CNN3: variants seen among roughly 807,000 people sequenced by gnomAD.
CNN3 encodes calponin 3.
CNN3 carries 11 observed loss-of-function variants against 39.0 expected under a neutral mutation model. The ratio of observed to expected loss-of-function variants is 0.28; its 90% CI spans 0.18 to 0.47. CNN3 has a LOEUF of 0.47. Ranked by LOEUF, CNN3 falls within the 20% of genes least tolerant of loss-of-function variation. The pLI, the probability that CNN3 is intolerant of heterozygous loss-of-function variation, is 0.99. For synonymous variants in CNN3, 101 were observed against 138.3 expected, an observed-to-expected ratio of 0.73 and a Z score of 1.89; for missense variants, 266 against 403.4, an observed-to-expected ratio of 0.66 and a Z score of 2.92.
intron 1 of CNN3, among the ~76,000 whole-genome samples, chr1:94,914,632 T>C (rs1358046133): frequency 6.6e-6 from 1 of 152,184 alleles, no homozygotes; most frequent in East Asian, 1.9e-4. Flanking sequence ...CTGGAACTCC[T>C]CTTGGAGTCT....
rs555549740 is a variant in CNN3 at position 94,914,490 on chromosome 1, T to C, written c.58-10966A>G. Among the ~76,000 whole-genome samples, 5 of 152,206 alleles carry C rather than the reference T, an allele frequency of 3.3e-5. No individual in the cohort carries two copies. In the South Asian group the frequency reaches 6.2e-4, roughly 19 times the overall value. On this transcript the variant is annotated intron_variant, in intron 1 of 6. Coordinates refer to ENST00000370206, the MANE Select transcript of CNN3 (RefSeq NM_001839.5). ...TCACTGACCACCCGCATCCCCATGC[T>C]CCCATCTGCCAACCCCAAAACTGAG...
At position 94,897,343 on chromosome 1, in the gene CNN3, C is replaced by G. The variant is rs188421793; in HGVS notation, c.*399G>C. On this transcript the variant is annotated 3_prime_UTR_variant, in exon 7 of 7. Transcript: ENST00000370206. Reference sequence around the variant, plus strand: ...TAGCAATAAGCATGAGTTTAGTCTTCCATGTAGAAACCAGATACACTAAAC... The same window carrying G: ...TAGCAATAAGCATGAGTTTAGTCTTGCATGTAGAAACCAGATACACTAAAC... 1.3e-4 allele frequency: 19 copies of G among 151,562 alleles called. No homozygotes were observed. In the East Asian group the frequency reaches 2.7e-3, roughly 22 times the overall value. The allele number at this position is 151,562 out of a possible 1,614,324, so 9.4% of individuals were successfully genotyped here.
chr1:94,924,043 T>C (rs947120337), intron 1 of CNN3: 1 of 152,272 alleles, frequency 6.6e-6, no homozygotes, highest in Non-Finnish European at 1.5e-5. Context: ...TATACTTCTT[T>C]GTTAAATGAG....
chr1:94,912,441 T>C (rs899411289), intron 1 of CNN3, among the ~76,000 whole-genome samples: 1 of 152,160 alleles, frequency 6.6e-6, no homozygotes, highest in Non-Finnish European at 1.5e-5. Context: ...AAGGATCTAT[T>C]ACTGGCTGAA....
rs1670749360 is a variant in CNN3, at chr1:94,897,368, CTG to C, written c.*372_*373del. 3.1e-5 allele frequency: 2 copies of C among 65,200 alleles called. No individual in the cohort carries two copies. The highest frequency in any genetic ancestry group is 5.1e-4 in the South Asian group (1 of 1,980). 4.0% of individuals were successfully genotyped at this position (65,200 alleles called of 1,614,324 possible). On this transcript the variant is annotated 3_prime_UTR_variant, in exon 7 of 7. Coordinates refer to ENST00000370206, the MANE Select transcript of CNN3 (RefSeq NM_001839.5). ...CCATGTAGAAACCAGATACACTAAA[CTG>C]TAAAAAAAAAAAAAAAAAAAAAAAG...
At chr1:94,911,995 G>A (rs1270750052) in intron 1 of CNN3, among the ~76,000 whole-genome samples, 3 of 152,126 alleles carry the variant, frequency 2.0e-5, no homozygotes, top group Non-Finnish European at 4.4e-5. Context: ...GAGCCTGGGA[G>A]GCGGAGGTTG....
At chr1:94,906,868 C>A (rs1378123153) in intron 1 of CNN3, among the ~76,000 whole-genome samples, 2 of 152,204 alleles carry the variant, frequency 1.3e-5, no homozygotes, top group Non-Finnish European at 2.9e-5. Context: ...ATTTATGCAT[C>A]CTTTGTTCAA....
intron 6 of CNN3, among the ~76,000 whole-genome samples, chr1:94,899,026 T>TAA (rs774724015): frequency 8.6e-5 from 13 of 150,486 alleles, no homozygotes; most frequent in Non-Finnish European, 1.6e-4. Flanking sequence ...GAACACCAGG[T>TAA]AATTTTACCT....
intron 1 of CNN3, among the ~76,000 whole-genome samples, chr1:94,911,593 AC>A (rs1671166670): frequency 6.6e-6 from 1 of 152,044 alleles, no homozygotes; most frequent in African/African-American, 2.4e-5. Flanking sequence ...ACATAGTGAG[AC>A]CCTGTCTCTA....
At position 94,899,397 on chromosome 1, in the gene CNN3, T is replaced by C; in HGVS notation, c.622A>G (p.Met208Val). The part of the protein sequence containing the change: ...PFDQTTISLQ[M>V]GTNKGASQAG... ...TGGCTGGCTCCTTTATTAGTGCCCA[T>C]CTGCAGACTAATTGTGGTCTGGTCA... Residue 208 changes from methionine (M) to valine (V), a missense_variant, in exon 6 of 7, where the codon ATG (methionine) becomes GTG (valine). Coordinates refer to ENST00000370206, the MANE Select transcript of CNN3 (RefSeq NM_001839.5). The C allele has an allele frequency of 6.2e-7, 1 of 1,614,048 alleles. No homozygotes were observed. The highest frequency in any genetic ancestry group is 1.1e-5 in the South Asian group (1 of 91,052).
At chr1:94,914,641 C>G (rs1443168721) in intron 1 of CNN3, among the ~76,000 whole-genome samples, 1 of 152,170 alleles carries the variant, frequency 6.6e-6, no homozygotes, top group Non-Finnish European at 1.5e-5. Context: ...CTCTTGGAGT[C>G]TAGATCCAGG....
chr1:94,902,023 C>T (rs1246014077), intron 4 of CNN3, 98 bp downstream of exon 4: 6 of 1,075,500 alleles, frequency 5.6e-6, no homozygotes, highest in Middle Eastern at 2.0e-4. Flanking sequence ...AGACAGGCCC[C>T]GCCCCACCTG....
chr1:94,900,313 A>T (rs1670830675), intron 5 of CNN3, among the ~76,000 whole-genome samples: 1 of 152,244 alleles, frequency 6.6e-6, no homozygotes, highest in Admixed American at 6.5e-5. Context: ...AATCATTGTG[A>T]TACCACCATC....
At chr1:94,900,011 C>G (rs1473094180) in intron 5 of CNN3, among the ~76,000 whole-genome samples, 1 of 152,104 alleles carries the variant, frequency 6.6e-6, no homozygotes, top group African/African-American at 2.4e-5. Context: ...AGAAAGGAAC[C>G]ACATTTTATT....
At chr1:94,912,261 C>T (rs1216822565) in intron 1 of CNN3, among the ~76,000 whole-genome samples, 6 of 152,220 alleles carry the variant, frequency 3.9e-5, no homozygotes, top group African/African-American at 1.4e-4. Context: ...CAAATCTAAA[C>T]AAGGAGCGAA....
chr1:94,914,145 G>C (rs939890409), intron 1 of CNN3, among the ~76,000 whole-genome samples: 2 of 152,286 alleles, frequency 1.3e-5, no homozygotes, highest in South Asian at 4.1e-4. Context: ...TCTCCAGATT[G>C]TCAAGCACTG....
chr1:94,903,238 A>T (rs1657489791), intron 2 of CNN3, 50 bp from the exon 3 acceptor site: 2 of 1,593,688 alleles, frequency 1.3e-6, no homozygotes, highest in South Asian at 2.3e-5. Context: ...CACAAAAACA[A>T]GGATTGAAAT....
chr1:94,925,660 C>CG (rs1369955858), intron 1 of CNN3: 2 of 985,364 alleles, frequency 2.0e-6, no homozygotes, highest in Non-Finnish European at 2.4e-6. Flanking sequence ...TTCACACCGC[C>CG]TACCCCCGCA....
At position 94,903,089 on chromosome 1, in the gene CNN3, A is replaced by G. The variant is rs1247864192; in HGVS notation, c.246+33T>C. 2.0e-6 allele frequency: 3 copies of G among 1,470,356 alleles called. No homozygotes were observed. In the African/African-American group the frequency reaches 4.3e-5, roughly 21 times the overall value. 91.1% of individuals were successfully genotyped at this position (1,470,356 alleles called of 1,614,324 possible). On this transcript the variant is annotated intron_variant, in intron 3 of 6. Coordinates refer to ENST00000370206, the MANE Select transcript of CNN3 (RefSeq NM_001839.5). ...GTTTTCACTACATAAAATGCAACCA[A>G]CTAGAACCAGAGGTGGTTGGTTTGG...
Sources: allele counts gnomAD v4.1 joint callset (sites outside exome capture counted in the v4.1 genomes callset), GRCh38; gene constraint gnomAD v4.1.1; transcripts MANE v1.5; gene names NCBI Gene and HGNC (gene_info 2026-07-23, HGNC 2026-07-21).